The following TRAF3IP1 variants were observed in gnomAD, a reference collection of about 807,000 sequenced individuals.
TRAF3IP1 encodes the protein intraflagellar transport 54, also known as TRAF3-interacting protein 1.
TRAF3IP1 carries 53 observed loss-of-function variants against 89.9 expected under a neutral mutation model. That is an observed-to-expected ratio of 0.59 (90% CI 0.47 to 0.74). The LOEUF is 0.74. Ranked by LOEUF, TRAF3IP1 falls within the 30% of genes least tolerant of loss-of-function variation. The probability of loss-of-function intolerance (pLI) is 0.00; values close to 1 mark genes in which losing one functional copy is unlikely to be tolerated. For synonymous variants in TRAF3IP1, 311 were observed against 322.1 expected (o/e 0.97, Z 0.37); for missense variants, 806 against 866.1 (o/e 0.93, Z 0.87).
Position 238,351,866 on chromosome 2 carries a change from T to TGTGTGTGTGTGTGTGTGTGTGTGTGC in TRAF3IP1, c.1452-960_1452-959insTGTGTGTGTGTGTGTGTGTGTGTGCG, listed in dbSNP as rs1421537563. ...GTGTGTGTGTGTGTGTGTGTGTGTG[T>TGTGTGTGTGTGTGTGTGTGTGTGTGC]GCGCGCGCGCGCGTGTGCGTGCATG... On this transcript the variant is annotated intron_variant, in intron 12 of 16. Transcript: ENST00000373327. This position sits in a 1 kb window ranked among gnomAD's most constrained non-coding sequence, Gnocchi z 5.2. 7.8e-6 allele frequency among the ~76,000 whole-genome samples: 1 copy of TGTGTGTGTGTGTGTGTGTGTGTGTGC among 128,192 alleles called. No homozygotes were observed. Among genetic ancestry groups the TGTGTGTGTGTGTGTGTGTGTGTGTGC allele is most frequent in the African/African-American group, 3.4e-5 (1 of 29,416 alleles). The allele number at this position is 128,192 out of a possible 152,430, so 84.1% of individuals were successfully genotyped here. A position where few individuals can be genotyped will look rare whatever the true frequency, so the allele number is the denominator to read the frequency against.
Position 238,351,906 on chromosome 2 carries a change from CGTGTGT to C in TRAF3IP1, c.1452-904_1452-899del, listed in dbSNP as rs150407213. Among the ~76,000 whole-genome samples the C allele has an allele frequency of 7.6e-4, 110 of 144,194 alleles. No individual in the cohort carries two copies. The highest frequency in any genetic ancestry group is 3.3e-3 in the South Asian group (15 of 4,502). The allele number at this position is 144,194 out of a possible 152,430, so 94.6% of individuals were successfully genotyped here. On this transcript the variant is annotated intron_variant, in intron 12 of 16. Coordinates refer to ENST00000373327, the MANE Select transcript of TRAF3IP1 (RefSeq NM_015650.4). This position sits in a 1 kb window ranked among gnomAD's most constrained non-coding sequence, Gnocchi z 5.2. ...GTGCGTGCATGTGCTTGTGTGTATG[CGTGTGT>C]GTGTGTGTGTGTGTGTATGCATGTG...
At chr2:238,360,717 T>C (rs1342568778) in intron 15 of TRAF3IP1, among the ~76,000 whole-genome samples, 1 of 151,964 alleles carries the variant, frequency 6.6e-6, no homozygotes, top group Non-Finnish European at 1.5e-5. Context: ...TTGTCTCTAC[T>C]AAAAATACAA....
Position 238,326,049 on chromosome 2 carries a change from C to T in TRAF3IP1, c.354+79C>T, listed in dbSNP as rs1181233167. On this transcript the variant is annotated intron_variant, in intron 3 of 16. Coordinates refer to ENST00000373327, the MANE Select transcript of TRAF3IP1 (RefSeq NM_015650.4). ...GTCGGGGGTGAGGGACTCACATGTG[C>T]GGGCGGTTTAGGGAAGGAGTTTCAG... is the stretch of plus-strand genomic sequence containing the variant. The T allele has an allele frequency of 1.6e-5, 23 of 1,475,562 alleles. No individual in the cohort carries two copies. In the East Asian group the frequency reaches 2.1e-4, roughly 13 times the overall value. The allele number at this position is 1,475,562 out of a possible 1,614,324, so 91.4% of individuals were successfully genotyped here.
intron 7 of TRAF3IP1, 72 bp downstream of exon 7, chr2:238,334,107 G>A: frequency 8.7e-7 from 1 of 1,147,418 alleles, no homozygotes; most frequent in South Asian, 1.4e-5. Flanking sequence ...TAATCTCAAT[G>A]TCTAGTAGGA....
chr2:238,358,174 G>A (rs1462236635), intron 15 of TRAF3IP1, among the ~76,000 whole-genome samples: 2 of 150,818 alleles, frequency 1.3e-5, no homozygotes, highest in South Asian at 2.1e-4. Flanking sequence ...GCAGTGGCGC[G>A]ATCTCGGCTC....
At chr2:238,372,800 C>T (rs1700163243) in intron 15 of TRAF3IP1, among the ~76,000 whole-genome samples, 1 of 152,166 alleles carries the variant, frequency 6.6e-6, no homozygotes, top group African/African-American at 2.4e-5. Flanking sequence ...TCTGTTGTTT[C>T]CTGACTTTTT....
chr2:238,394,087 T>C (rs904367178), intron 15 of TRAF3IP1, among the ~76,000 whole-genome samples: 1 of 152,020 alleles, frequency 6.6e-6, no homozygotes, highest in African/African-American at 2.4e-5. Context: ...TCCCAGCTAC[T>C]TGGGAGGCCG....
In TRAF3IP1 at chr2:238,378,382, T is replaced by C. The variant is rs140370221; in HGVS notation, c.1690-19077T>C. 2.9e-3 allele frequency among the ~76,000 whole-genome samples: 443 copies of C among 152,376 alleles called. 2 individuals are homozygous for C. Among genetic ancestry groups the C allele is most frequent in the African/African-American group, 0.01 (420 of 41,598 alleles). ...GGCACCTGCCATGTGCTAGGCACTGTTCTCGGCATTCAGTCAGAAACGAAT... is the reference window on the plus strand; with the variant it reads ...GGCACCTGCCATGTGCTAGGCACTGCTCTCGGCATTCAGTCAGAAACGAAT... On this transcript the variant is annotated intron_variant, in intron 15 of 16. Coordinates refer to ENST00000373327, the MANE Select transcript of TRAF3IP1 (RefSeq NM_015650.4).
intron 3 of TRAF3IP1, among the ~76,000 whole-genome samples, chr2:238,326,810 G>A (rs1349866915): frequency 2.0e-5 from 3 of 152,126 alleles, no homozygotes; most frequent in Non-Finnish European, 4.4e-5. Context: ...GGGTAGTGGA[G>A]GTGCATAGTG....
intron 15 of TRAF3IP1, among the ~76,000 whole-genome samples, chr2:238,391,909 G>C (rs1701008980): frequency 6.6e-6 from 1 of 152,126 alleles, no homozygotes; most frequent in African/African-American, 2.4e-5. Context: ...AAGTCAATGA[G>C]ACATTTACTA....
chr2:238,338,178 A>C (rs1430028661), intron 7 of TRAF3IP1, among the ~76,000 whole-genome samples, 184 bp from the exon 8 acceptor site: 1 of 152,116 alleles, frequency 6.6e-6, no homozygotes, highest in Non-Finnish European at 1.5e-5. Context: ...TTAGGGAAGG[A>C]GAGGGGGCTT....
chr2:238,321,475 G>C (rs1559350319), intron 1 of TRAF3IP1, among the ~76,000 whole-genome samples: 1 of 152,220 alleles, frequency 6.6e-6, no homozygotes, highest in East Asian at 1.9e-4. Flanking sequence ...GACTTGGCAG[G>C]AAAGACTGTA....
chr2:238,320,662 C>T lies in TRAF3IP1; in HGVS notation c.-1C>T. ...GCGGCCAGCGGGCGGCGGACGCCGT[C>T]ATGAACGCGGCGGTGGTGAGGCGGA... On this transcript the variant is annotated 5_prime_UTR_variant, in exon 1 of 17. Coordinates refer to ENST00000373327, the MANE Select transcript of TRAF3IP1 (RefSeq NM_015650.4). 7.3e-7 allele frequency: 1 copy of T among 1,369,772 alleles called. No individual in the cohort carries two copies. The highest frequency in any genetic ancestry group is 9.6e-7 in the Non-Finnish European group (1 of 1,043,938). 84.9% of individuals were successfully genotyped at this position (1,369,772 alleles called of 1,614,324 possible). A position where few individuals can be genotyped will look rare whatever the true frequency, so the allele number is the denominator to read the frequency against.
chr2:238,378,900 C>A (rs577026004), intron 15 of TRAF3IP1, among the ~76,000 whole-genome samples: 2 of 152,260 alleles, frequency 1.3e-5, no homozygotes, highest in Non-Finnish European at 2.9e-5. Flanking sequence ...CTTTGCTGAC[C>A]AGTACCAGGT....
Position 238,372,241 on chromosome 2 carries a change from A to G in TRAF3IP1, c.1689+16161A>G, listed in dbSNP as rs972836285. 6.6e-5 allele frequency among the ~76,000 whole-genome samples: 10 copies of G among 152,156 alleles called. No individual in the cohort carries two copies. In the East Asian group the frequency reaches 1.7e-3, roughly 26 times the overall value. On this transcript the variant is annotated intron_variant, in intron 15 of 16. Coordinates refer to ENST00000373327, the MANE Select transcript of TRAF3IP1 (RefSeq NM_015650.4). ...GGTTTGCTGCACCCATCAACTCGTC[A>G]TTTACATTAGGTGTTTCTCCTAATG...
intron 5 of TRAF3IP1, among the ~76,000 whole-genome samples, chr2:238,329,603 T>C (rs1036457521): frequency 2.0e-5 from 3 of 152,232 alleles, no homozygotes; most frequent in Non-Finnish European, 4.4e-5. Context: ...TCAGTGAGTT[T>C]TTAACCATTT....
At chr2:238,344,445 C>CGG in intron 8 of TRAF3IP1, 52 bp from the exon 9 acceptor site, 2 of 1,420,516 alleles carry the variant, frequency 1.4e-6, no homozygotes, top group Non-Finnish European at 2.0e-6. Context: ...CGCTGATCAC[C>CGG]GGCCCTTTGG....
rs1018584457 is a variant in TRAF3IP1, at chr2:238,328,592, C to CTCA, written c.355-92_355-90dup. ...ATTTCATTGTAGACAGAGAATCTGTCTCATGAGCTATCTTTGAATGGCGAT... is the reference window on the plus strand; with the variant it reads ...ATTTCATTGTAGACAGAGAATCTGTCTCATCATGAGCTATCTTTGAATGGCGAT... On this transcript the variant is annotated intron_variant, in intron 3 of 16. Coordinates refer to ENST00000373327, the MANE Select transcript of TRAF3IP1 (RefSeq NM_015650.4). 3 of 1,416,832 alleles carry CTCA rather than the reference C, an allele frequency of 2.1e-6. No homozygotes were observed. The African/African-American group carries it at 4.3e-5, about 20-fold the overall frequency. 87.8% of individuals were successfully genotyped at this position (1,416,832 alleles called of 1,614,324 possible).
intron 15 of TRAF3IP1, among the ~76,000 whole-genome samples, chr2:238,383,056 C>T (rs531791938): frequency 1.3e-5 from 2 of 152,314 alleles, no homozygotes; most frequent in African/African-American, 4.8e-5. Context: ...CACTGTCCTC[C>T]AGCCTGCAGC....
Sources: gnomAD v4.1 joint callset for allele counts (sites outside exome capture counted in the v4.1 genomes callset) on GRCh38, gnomAD v4.1.1 for gene constraint, Gnocchi (gnomAD v3.1) non-coding constraint, MANE v1.5 for transcripts, NCBI Gene and HGNC (gene_info 2026-07-23, HGNC 2026-07-21) for gene names.